The following KCNU1 variants were observed in gnomAD, a reference collection of about 807,000 sequenced individuals.
KCNU1 encodes the protein potassium calcium-activated channel subfamily U member 1, also known as potassium channel subfamily U member 1.
In KCNU1, 93 loss-of-function variants were observed where a neutral mutation model predicts 126.8. The observed-to-expected ratio is 0.73, with a 90% CI of 0.62 to 0.87. KCNU1 has a LOEUF of 0.87. Among genes scored for constraint, KCNU1 ranks in the 40% least tolerant of loss-of-function variants. The probability of loss-of-function intolerance (pLI) is 0.00; values close to 1 mark genes in which losing one functional copy is unlikely to be tolerated. For synonymous variants in KCNU1, 523 were observed against 494.2 expected, an observed-to-expected ratio of 1.06 and a Z score of -0.77; for missense variants, 1,330 against 1,367.1, an observed-to-expected ratio of 0.97 and a Z score of 0.43.
chr8:36,935,439 C>G (rs1396416903), intron 26 of KCNU1, 76 bp from the exon 27 acceptor site: 2 of 1,220,890 alleles, frequency 1.6e-6, no homozygotes, highest in Admixed American at 4.6e-5. Flanking sequence ...AAAATGACCT[C>G]TTTATTTGGG....
chr8:36,919,022 A>T (rs1189134882), intron 23 of KCNU1, 125 bp downstream of exon 23: 1 of 673,460 alleles, frequency 1.5e-6, no homozygotes, highest in Non-Finnish European at 2.7e-6. Flanking sequence ...TCAGAGCTTT[A>T]AGTGCTTGCC....
intron 24 of KCNU1, among the ~76,000 whole-genome samples, chr8:36,924,828 C>G (rs1413464754): frequency 1.3e-5 from 2 of 152,166 alleles, no homozygotes; most frequent in East Asian, 3.9e-4. Context: ...CCTTAGATGT[C>G]AGGCAGCTTC....
chr8:36,790,469 T>C (rs1802864361), intron 2 of KCNU1, among the ~76,000 whole-genome samples: 1 of 150,136 alleles, frequency 6.7e-6, no homozygotes, highest in African/African-American at 2.5e-5. Flanking sequence ...ATAGCTAGTC[T>C]ATAAAAAAGG....
chr8:36,919,764 G>A (rs555220968), intron 23 of KCNU1, among the ~76,000 whole-genome samples: 1 of 152,318 alleles, frequency 6.6e-6, no homozygotes, highest in South Asian at 2.1e-4. Context: ...TTACTAACCA[G>A]AAAAATGCAT....
At chr8:36,922,467 C>T (rs372224893) in intron 23 of KCNU1, 23 bp from the exon 24 acceptor site, 124 of 1,604,236 alleles carry the variant, frequency 7.7e-5, no homozygotes, top group Non-Finnish European at 1.0e-4. Flanking sequence ...GCTTGTCTTT[C>T]CTTTTTGCCT....
chr8:36,895,467 A>G (rs1301751735), intron 19 of KCNU1, among the ~76,000 whole-genome samples: 1 of 152,100 alleles, frequency 6.6e-6, no homozygotes, highest in Non-Finnish European at 1.5e-5. Flanking sequence ...CGAACACTAA[A>G]TGACTTCAAA....
chr8:36,830,125 T>G (rs1253145709), intron 10 of KCNU1, among the ~76,000 whole-genome samples: 2 of 149,916 alleles, frequency 1.3e-5, no homozygotes, highest in African/African-American at 4.9e-5. Flanking sequence ...TAATCCAGAT[T>G]TGTAAATCTT....
chr8:36,839,814 G>A (rs1016662077), intron 14 of KCNU1, among the ~76,000 whole-genome samples: 3 of 152,128 alleles, frequency 2.0e-5, no homozygotes, highest in Admixed American at 6.6e-5. Flanking sequence ...TGAGGAGAGG[G>A]TCCTACACAA....
intron 19 of KCNU1, among the ~76,000 whole-genome samples, chr8:36,892,543 A>T (rs1767499383): frequency 7.7e-6 from 1 of 129,690 alleles, no homozygotes; most frequent in Non-Finnish European, 1.5e-5. Flanking sequence ...TTTGTGTCTC[A>T]TAATTTTTTG....
Position 36,931,110 on chromosome 8 carries a change from C to A in KCNU1, c.2896C>A (p.Leu966Met). 1 of 1,611,032 alleles carries A rather than the reference C, an allele frequency of 6.2e-7. No homozygotes were observed. The highest frequency in any genetic ancestry group is 8.5e-7 in the Non-Finnish European group (1 of 1,178,476). ...AAGAAACCGGTGTAAGCTGGGGCTT[C>A]TGTCCTTACACGAAACCATTTTATC... ...SGRNRCKLGL[L>M]SLHETILSDV... The change falls in exon 25 of 27, where the codon CTG becomes ATG. Residue 966 changes from leucine (L) to methionine (M), a missense_variant. Leu to Met is a conservative substitution (Grantham distance 15). Coordinates refer to ENST00000399881, the MANE Select transcript of KCNU1 (RefSeq NM_001031836.3).
chr8:36,890,372 G>A (rs1258115748), intron 19 of KCNU1, among the ~76,000 whole-genome samples: 2 of 151,950 alleles, frequency 1.3e-5, no homozygotes, highest in East Asian at 3.9e-4. Flanking sequence ...GAGATGGAAA[G>A]GATGAGTTGG....
chr8:36,794,371 C>T (rs1803016330), intron 2 of KCNU1, among the ~76,000 whole-genome samples: 1 of 151,902 alleles, frequency 6.6e-6, no homozygotes, highest in Non-Finnish European at 1.5e-5. Flanking sequence ...GAAAAAGTAG[C>T]TTTATTCATT....
At chr8:36,867,902 G>A (rs1397802083) in intron 19 of KCNU1, among the ~76,000 whole-genome samples, 2 of 152,134 alleles carry the variant, frequency 1.3e-5, no homozygotes, top group African/African-American at 4.8e-5. Flanking sequence ...TCTGGTTGGG[G>A]ATCCCTAAAT....
At chr8:36,846,897 A>G (rs988718672) in intron 18 of KCNU1, among the ~76,000 whole-genome samples, 3 of 151,696 alleles carry the variant, frequency 2.0e-5, no homozygotes, top group East Asian at 1.9e-4. Context: ...TGAATTTTCT[A>G]TCAGGTCTAT....
chr8:36,860,600 G>A (rs1805693670), intron 18 of KCNU1, among the ~76,000 whole-genome samples: 1 of 152,150 alleles, frequency 6.6e-6, no homozygotes, highest in African/African-American at 2.4e-5. Flanking sequence ...AGGGCAAGGA[G>A]GGGTGCATAA....
chr8:36,895,181 T>C (rs1184024315), intron 19 of KCNU1, among the ~76,000 whole-genome samples: 1 of 151,868 alleles, frequency 6.6e-6, no homozygotes, highest in African/African-American at 2.4e-5. Flanking sequence ...CCAGTTCAAG[T>C]GAGTCTTCTG....
At chr8:36,803,696 T>A (rs1042887196) in intron 2 of KCNU1, among the ~76,000 whole-genome samples, 7 of 152,184 alleles carry the variant, frequency 4.6e-5, no homozygotes, top group African/African-American at 1.7e-4. Flanking sequence ...AGTGAATAAG[T>A]GATCACAGGA....
At chr8:36,911,268 A>G (rs1807864521) in intron 22 of KCNU1, 149 bp downstream of exon 22, 2 of 575,796 alleles carry the variant, frequency 3.5e-6, no homozygotes, top group East Asian at 5.8e-5. Flanking sequence ...ATCCCATAGT[A>G]GAAATAGCCC....
At chr8:36,837,661 T>G (rs1385216228) in intron 14 of KCNU1, among the ~76,000 whole-genome samples, 4 of 152,210 alleles carry the variant, frequency 2.6e-5, no homozygotes, top group African/African-American at 9.6e-5. Context: ...TTTTTGATAT[T>G]TTTGTCTGAG....
Sources: allele counts gnomAD v4.1 joint callset (sites outside exome capture counted in the v4.1 genomes callset), GRCh38; gene constraint gnomAD v4.1.1; transcripts MANE v1.5; gene names NCBI Gene and HGNC (gene_info 2026-07-23, HGNC 2026-07-21).